The following EFCAB11 variants were observed in gnomAD, a reference collection of about 807,000 sequenced individuals.
The protein encoded by EFCAB11 is EF-hand calcium binding domain 11, also known as EF-hand calcium-binding domain-containing protein 11.
In EFCAB11, 14 loss-of-function variants were observed where a neutral mutation model predicts 23.0. The ratio of observed to expected loss-of-function variants is 0.61; its 90% CI spans 0.40 to 0.95. The LOEUF (loss-of-function observed/expected upper bound fraction) is 0.95. EFCAB11 is among the 40% of genes least tolerant of loss of function. The pLI is 0.00. For synonymous variants in EFCAB11, 65 were observed against 66.6 expected, an observed-to-expected ratio of 0.98 and a Z score of 0.11; for missense variants, 198 against 195.8, an observed-to-expected ratio of 1.01 and a Z score of -0.07.
At chr14:89,868,443 T>C (rs887026523) in intron 5 of EFCAB11, among the ~76,000 whole-genome samples, 1 of 152,220 alleles carries the variant, frequency 6.6e-6, no homozygotes, top group South Asian at 2.1e-4. Flanking sequence ...CAATTTTGTA[T>C]GAAATTCCAT....
intron 5 of EFCAB11, among the ~76,000 whole-genome samples, chr14:89,853,745 T>G (rs1024490628): frequency 6.6e-6 from 1 of 152,214 alleles, no homozygotes; most frequent in Non-Finnish European, 1.5e-5. Flanking sequence ...AAGACTGTAA[T>G]TTAACAAACA....
intron 5 of EFCAB11, among the ~76,000 whole-genome samples, chr14:89,901,132 T>C (rs1021353358): frequency 6.6e-6 from 1 of 152,212 alleles, no homozygotes; most frequent in Non-Finnish European, 1.5e-5. Flanking sequence ...AACTGCTAAT[T>C]TTTTTAAAAC....
At chr14:89,899,197 C>G (rs745822675) in intron 5 of EFCAB11, among the ~76,000 whole-genome samples, 11 of 152,230 alleles carry the variant, frequency 7.2e-5, no homozygotes, top group Admixed American at 2.6e-4. Context: ...CCTTTTCATG[C>G]AACTATACTG....
chr14:89,804,655 T>G (rs1885907369), intron 5 of EFCAB11, among the ~76,000 whole-genome samples: 1 of 152,198 alleles, frequency 6.6e-6, no homozygotes, highest in Non-Finnish European at 1.5e-5. Flanking sequence ...GCATTTAAAT[T>G]GCCATCAGCA....
rs562573807 is a variant in EFCAB11 at position 89,928,505 on chromosome 14, G to A, written c.410+3036C>T. On this transcript the variant is annotated intron_variant, in intron 5 of 5. Transcript: ENST00000316738. Reference sequence around the variant, plus strand: ...TCATGTAAATACATAGATCTAAATGGGAAAAGCTCATCATGCCACTGACTC... The same window carrying A: ...TCATGTAAATACATAGATCTAAATGAGAAAAGCTCATCATGCCACTGACTC... 1.9e-4 allele frequency among the ~76,000 whole-genome samples: 29 copies of A among 151,710 alleles called. No homozygotes were observed. The South Asian group carries it at 3.5e-3, about 18-fold the overall frequency.
intron 5 of EFCAB11, among the ~76,000 whole-genome samples, chr14:89,922,453 C>G (rs1311937971): frequency 6.6e-6 from 1 of 152,168 alleles, no homozygotes; most frequent in African/African-American, 2.4e-5. Flanking sequence ...ACACAACACC[C>G]TTTTTTCTCA....
intron 5 of EFCAB11, among the ~76,000 whole-genome samples, chr14:89,851,965 C>T (rs1054852294): frequency 2.0e-5 from 3 of 152,154 alleles, no homozygotes; most frequent in Admixed American, 2.0e-4. Flanking sequence ...CCATCGAATG[C>T]CAAAAGAGTC....
intron 5 of EFCAB11, among the ~76,000 whole-genome samples, chr14:89,876,069 C>A (rs769488658): frequency 1.3e-5 from 2 of 152,110 alleles, no homozygotes; most frequent in Non-Finnish European, 2.9e-5. Flanking sequence ...GTGAGCACAG[C>A]AAAATTATTT....
At chr14:89,844,077 T>C (rs1445997043) in intron 5 of EFCAB11, among the ~76,000 whole-genome samples, 1 of 152,212 alleles carries the variant, frequency 6.6e-6, no homozygotes, top group Non-Finnish European at 1.5e-5. Flanking sequence ...CTCTTTCAAA[T>C]AAAAATGGTG....
intron 5 of EFCAB11, among the ~76,000 whole-genome samples, chr14:89,816,885 T>C (rs1886352924): frequency 6.6e-6 from 1 of 152,238 alleles, no homozygotes; most frequent in Admixed American, 6.5e-5. Flanking sequence ...AATAATAACA[T>C]TGCTTTTCAA....
chr14:89,891,443 T>C (rs1434269331), intron 5 of EFCAB11, among the ~76,000 whole-genome samples: 1 of 152,194 alleles, frequency 6.6e-6, no homozygotes, highest in Non-Finnish European at 1.5e-5. Context: ...TGAGATATTA[T>C]GGTAGAAATC....
At chr14:89,862,143 G>A (rs952850259) in intron 5 of EFCAB11, among the ~76,000 whole-genome samples, 12 of 152,134 alleles carry the variant, frequency 7.9e-5, no homozygotes, top group Non-Finnish European at 1.8e-4. Context: ...CCAGCAGAAG[G>A]GTCTCCACAA....
chr14:89,866,236 A>G (rs1020016616), intron 5 of EFCAB11, among the ~76,000 whole-genome samples: 1 of 152,184 alleles, frequency 6.6e-6, no homozygotes, highest in Non-Finnish European at 1.5e-5. Flanking sequence ...CCTTCTGGGC[A>G]CCCCTAAATG....
chr14:89,876,540 T>C (rs563490322), intron 5 of EFCAB11, among the ~76,000 whole-genome samples: 10 of 152,218 alleles, frequency 6.6e-5, no homozygotes, highest in Non-Finnish European at 1.3e-4. Flanking sequence ...ATAGTCCATT[T>C]GTAGAGAATT....
chr14:89,888,207 T>C (rs1221217225), intron 5 of EFCAB11, among the ~76,000 whole-genome samples: 1 of 152,196 alleles, frequency 6.6e-6, no homozygotes. Context: ...TGGAAGGTAA[T>C]TAGGTCATAA....
chr14:89,807,982 A>G (rs1171395175), intron 5 of EFCAB11, among the ~76,000 whole-genome samples: 1 of 152,208 alleles, frequency 6.6e-6, no homozygotes, highest in East Asian at 1.9e-4. Flanking sequence ...AGGCAATTCA[A>G]ACGAGTGGGG....
intron 5 of EFCAB11, among the ~76,000 whole-genome samples, chr14:89,843,723 T>C (rs1175409820): frequency 2.0e-5 from 3 of 152,246 alleles, no homozygotes; most frequent in Non-Finnish European, 2.9e-5. Context: ...CCAAGCAAAA[T>C]TCATGATTTT....
At chr14:89,944,770 T>C (rs7152455) in intron 3 of EFCAB11, among the ~76,000 whole-genome samples, 14,420 of 151,876 alleles carry the variant, frequency 0.095, 1,767 homozygotes, top group African/African-American at 0.29. Context: ...ATCAAGAACA[T>C]GTTCTCCTAG....
intron 5 of EFCAB11, among the ~76,000 whole-genome samples, chr14:89,823,136 A>T (rs1886579926): frequency 6.6e-6 from 1 of 152,176 alleles, no homozygotes. Context: ...TCCAGTGTGT[A>T]GTAAAAGAGG....
Sources: gnomAD v4.1 joint callset for allele counts (sites outside exome capture counted in the v4.1 genomes callset) on GRCh38, gnomAD v4.1.1 for gene constraint, MANE v1.5 for transcripts, NCBI Gene and HGNC (gene_info 2026-07-23, HGNC 2026-07-21) for gene names.